PITPNC1: variants seen among roughly 807,000 people sequenced by gnomAD.
The protein encoded by PITPNC1 is cytoplasmic phosphatidylinositol transfer protein 1.
In PITPNC1, 18 loss-of-function variants were observed where a neutral mutation model predicts 44.7. The ratio of observed to expected loss-of-function variants is 0.40; its 90% CI spans 0.28 to 0.60. The LOEUF (loss-of-function observed/expected upper bound fraction) is 0.60, where lower values mean the gene tolerates loss of function less well. PITPNC1 is among the 20% of genes least tolerant of loss of function. The pLI is 0.39. For synonymous variants in PITPNC1, 141 were observed against 149.6 expected (o/e 0.94, Z 0.42); for missense variants, 290 against 418.4 (o/e 0.69, Z 2.68).
chr17:67,422,580 C>T (rs1009278689), intron 1 of PITPNC1, among the ~76,000 whole-genome samples: 3 of 152,042 alleles, frequency 2.0e-5, no homozygotes, highest in African/African-American at 7.2e-5. Flanking sequence ...CAGAGTCTTG[C>T]TCTGTCACCC....
At position 67,610,910 on chromosome 17, in the gene PITPNC1, ACT is replaced by A. The variant is rs541865968; in HGVS notation, c.367-21230_367-21229del. 3.9e-3 allele frequency among the ~76,000 whole-genome samples: 555 copies of A among 142,694 alleles called. 1 individual carries two copies. The highest frequency in any genetic ancestry group is 7.0e-3 in the Non-Finnish European group (464 of 65,994). 93.6% of individuals were successfully genotyped at this position (142,694 alleles called of 152,430 possible). A position where few individuals can be genotyped will look rare whatever the true frequency, so the allele number is the denominator to read the frequency against. On this transcript the variant is annotated intron_variant, in intron 5 of 8. Transcript: ENST00000581322. ...CACTCCAGCCTGGCGACAGGGTGAG[ACT>A]CTGTCTCAAAAAAAAAAAAAAAAGA... is the stretch of plus-strand genomic sequence containing the variant.
intron 5 of PITPNC1, chr17:67,613,285 T>G (rs1370998126): frequency 6.6e-6 from 1 of 152,140 alleles, no homozygotes; most frequent in African/African-American, 2.4e-5. Flanking sequence ...ACAGCCAAAG[T>G]GGTAAAGGTA....
At chr17:67,573,142 G>C (rs974828030) in intron 4 of PITPNC1, among the ~76,000 whole-genome samples, 2 of 152,198 alleles carry the variant, frequency 1.3e-5, no homozygotes, top group Admixed American at 6.5e-5. Context: ...GAACATTCGC[G>C]TTCATTCTGG....
intron 1 of PITPNC1, among the ~76,000 whole-genome samples, chr17:67,523,174 G>A (rs182188318): frequency 6.6e-6 from 1 of 152,298 alleles, no homozygotes. Context: ...ACTTCTAGCT[G>A]CCTCGTCTAA....
At position 67,422,726 on chromosome 17, in the gene PITPNC1, G is replaced by A. The variant is rs569974861; in HGVS notation, c.48+44524G>A. The stretch of plus-strand genomic sequence containing the variant: ...GGCTAATTTTTGTATTTTTAGTAGG[G>A]ATGGGTTTCACCATGTTGGCCAGGC... On this transcript the variant is annotated intron_variant, in intron 1 of 8. Coordinates refer to ENST00000581322, the MANE Select transcript of PITPNC1 (RefSeq NM_012417.4). 6.6e-5 allele frequency among the ~76,000 whole-genome samples: 10 copies of A among 152,108 alleles called. No homozygotes were observed. The East Asian group carries it at 1.2e-3, about 18-fold the overall frequency.
chr17:67,586,681 C>T lies in PITPNC1; in HGVS notation c.366+8424C>T, dbSNP rs966073096. ...TCTACCCAGTTTCCCCTTACCTAAC[C>T]ATGATTCCACTGCCAAAACTACAGA... On this transcript the variant is annotated intron_variant, in intron 5 of 8. Coordinates refer to ENST00000581322, the MANE Select transcript of PITPNC1 (RefSeq NM_012417.4). 2.6e-5 allele frequency among the ~76,000 whole-genome samples: 4 copies of T among 152,262 alleles called. No homozygotes were observed. The East Asian group carries it at 5.8e-4, about 22-fold the overall frequency.
chr17:67,428,040 G>C (rs1362249169), intron 1 of PITPNC1, among the ~76,000 whole-genome samples: 1 of 152,120 alleles, frequency 6.6e-6, no homozygotes, highest in Non-Finnish European at 1.5e-5. Context: ...CTAGAGTGCA[G>C]TGACTGTTCA....
At chr17:67,413,699 G>C (rs1030545734) in intron 1 of PITPNC1, among the ~76,000 whole-genome samples, 2 of 152,126 alleles carry the variant, frequency 1.3e-5, no homozygotes, top group African/African-American at 4.8e-5. Flanking sequence ...ATTGCATAAA[G>C]AATTGAACAC....
intron 5 of PITPNC1, among the ~76,000 whole-genome samples, chr17:67,585,395 C>G (rs1380612269): frequency 1.3e-5 from 2 of 152,126 alleles, no homozygotes; most frequent in Admixed American, 1.3e-4. Context: ...TAGAATGTGA[C>G]TGTGCATGGA....
At chr17:67,483,362 T>C (rs1316609551) in intron 1 of PITPNC1, among the ~76,000 whole-genome samples, 2 of 152,236 alleles carry the variant, frequency 1.3e-5, no homozygotes, top group Non-Finnish European at 2.9e-5. Flanking sequence ...GTAATCCTGG[T>C]ATCCAGATAA....
intron 4 of PITPNC1, among the ~76,000 whole-genome samples, chr17:67,575,869 TCTTTCTTTCC>T (rs775800410): frequency 0.021 from 1,070 of 50,872 alleles, 25 homozygotes; most frequent in Middle Eastern, 0.12. Context: ...CTTCCTTCTT[TCTTTCTTTCC>T]TTTTTTTTTT....
intron 2 of PITPNC1, among the ~76,000 whole-genome samples, chr17:67,540,105 ATTTT>A (rs1435493225): frequency 8.1e-5 from 9 of 110,524 alleles, no homozygotes; most frequent in Non-Finnish European, 1.9e-5. Flanking sequence ...ATTTTATTTT[ATTTT>A]ATTTATTTTT....
At chr17:67,507,440 T>C (rs1017174339) in intron 1 of PITPNC1, among the ~76,000 whole-genome samples, 1 of 152,074 alleles carries the variant, frequency 6.6e-6, no homozygotes, top group African/African-American at 2.4e-5. Flanking sequence ...ATCCTAGCAC[T>C]TTGGGAGGTA....
intron 1 of PITPNC1, among the ~76,000 whole-genome samples, chr17:67,438,598 G>C (rs528892968): frequency 1.3e-5 from 2 of 152,316 alleles, no homozygotes; most frequent in South Asian, 2.1e-4. Flanking sequence ...TTACAGGCGT[G>C]AGCCACCGTG....
chr17:67,562,350 C>T (rs1343301139), intron 4 of PITPNC1, among the ~76,000 whole-genome samples: 2 of 152,120 alleles, frequency 1.3e-5, no homozygotes. Flanking sequence ...GGCTGTGTTT[C>T]GGAGCTCTGC....
intron 5 of PITPNC1, among the ~76,000 whole-genome samples, chr17:67,592,055 A>G (rs900850565): frequency 7.2e-5 from 11 of 152,080 alleles, no homozygotes; most frequent in African/African-American, 2.7e-4. Context: ...AAAAAATGGT[A>G]TAAGGAATGT....
intron 1 of PITPNC1, among the ~76,000 whole-genome samples, chr17:67,425,728 T>A (rs907846348): frequency 6.6e-6 from 1 of 152,006 alleles, no homozygotes; most frequent in Admixed American, 6.6e-5. Flanking sequence ...GGGGTCTCAC[T>A]GTGTTGCCCA....
intron 5 of PITPNC1, among the ~76,000 whole-genome samples, chr17:67,596,347 T>C (rs886704947): frequency 1.4e-4 from 22 of 152,230 alleles, no homozygotes; most frequent in African/African-American, 4.8e-4. Flanking sequence ...TATGTCTTTA[T>C]TGGGGGCTTT....
At chr17:67,429,008 A>G (rs549037112) in intron 1 of PITPNC1, among the ~76,000 whole-genome samples, 568 of 150,272 alleles carry the variant, frequency 3.8e-3, no homozygotes, top group Non-Finnish European at 6.8e-3. Flanking sequence ...CGCCTGGCTA[A>G]TTTTGTATTT....
Sources: gnomAD v4.1 joint callset for allele counts (sites outside exome capture counted in the v4.1 genomes callset) on GRCh38, gnomAD v4.1.1 for gene constraint, MANE v1.5 for transcripts, NCBI Gene and HGNC (gene_info 2026-07-23, HGNC 2026-07-21) for gene names.